UBE2U: variants seen among roughly 807,000 people sequenced by gnomAD.
UBE2U encodes ubiquitin conjugating enzyme E2 U, also known as ubiquitin-conjugating enzyme E2 U.
Under a neutral mutation model 41.2 loss-of-function variants are expected in UBE2U, and 39 were observed. The observed-to-expected ratio is 0.95, with a 90% confidence interval of 0.73 to 1.24. The LOEUF is 1.24. Ranked by LOEUF, UBE2U falls within the 50% of genes most tolerant of loss-of-function variation. UBE2U has a pLI of 0.00. For synonymous variants in UBE2U, 107 were observed against 117.8 expected, an observed-to-expected ratio of 0.91 and a Z score of 0.60; for missense variants, 336 against 363.1, an observed-to-expected ratio of 0.93 and a Z score of 0.61.
intron 4 of UBE2U, among the ~76,000 whole-genome samples, chr1:64,214,014 G>A (rs112030956): frequency 5.9e-5 from 9 of 152,108 alleles, no homozygotes; most frequent in African/African-American, 1.4e-4. Context: ...GATATATGCC[G>A]TCTGTTGTTG....
At chr1:64,210,900 C>T (rs1651626450) in intron 4 of UBE2U, 61 bp downstream of exon 4, 3 of 1,218,754 alleles carry the variant, frequency 2.5e-6, no homozygotes, top group African/African-American at 1.6e-5. Flanking sequence ...ATTATTCAAA[C>T]TACAAGGATT....
intron 8 of UBE2U, among the ~76,000 whole-genome samples, chr1:64,252,029 T>C (rs547129052): frequency 6.6e-6 from 1 of 152,298 alleles, no homozygotes; most frequent in Non-Finnish European, 1.5e-5. Context: ...TGGTCACCAT[T>C]TCTGCAGTTC....
chr1:64,264,912 C>T (rs566558976), intron 9 of UBE2U, among the ~76,000 whole-genome samples: 399 of 151,956 alleles, frequency 2.6e-3, no homozygotes, highest in African/African-American at 9.2e-3. Flanking sequence ...AGCACGCCAC[C>T]GCACTCCAGC....
At chr1:64,258,650 C>G (rs1051470682) in intron 8 of UBE2U, among the ~76,000 whole-genome samples, 3 of 152,206 alleles carry the variant, frequency 2.0e-5, no homozygotes, top group South Asian at 4.1e-4. Flanking sequence ...AGGACATGAA[C>G]TCATCCTTTT....
intron 1 of UBE2U, among the ~76,000 whole-genome samples, chr1:64,204,788 A>G (rs1651188399): frequency 6.6e-6 from 1 of 152,220 alleles, no homozygotes; most frequent in Admixed American, 6.5e-5. Flanking sequence ...TGAAAGGTAT[A>G]GAGTGCTTCC....
chr1:64,243,861 A>C (rs1644875846), intron 8 of UBE2U, among the ~76,000 whole-genome samples: 1 of 152,078 alleles, frequency 6.6e-6, no homozygotes, highest in African/African-American at 2.4e-5. Flanking sequence ...GCGCAGGGGC[A>C]CTGGAGCCAG....
Position 64,210,792 on chromosome 1 carries a change from A to G in UBE2U, c.292A>G (p.Lys98Glu). 4 of 1,608,184 alleles carry G rather than the reference A, an allele frequency of 2.5e-6. No individual in the cohort carries two copies. The highest frequency in any genetic ancestry group is 3.4e-6 in the Non-Finnish European group (4 of 1,176,366). Residue 98 changes from lysine (K) to glutamate (E), a missense_variant, in exon 4 of 10, where the codon AAG becomes GAG. Lys to Glu is a moderately conservative substitution (Grantham distance 56, BLOSUM62 1). Transcript: ENST00000371077. ...PCIDFLDNPE[K>E]WNTNYTLSSI... ...TATAGACTTTTTGGACAACCCTGAG[A>G]AGTGGAATACAAACTATACATTGAG...
Position 64,267,246 on chromosome 1 carries a change from G to A in UBE2U, c.*38G>A, listed in dbSNP as rs919144555. 9 of 1,437,554 alleles carry A rather than the reference G, an allele frequency of 6.3e-6. No homozygotes were observed. Among genetic ancestry groups the A allele is most frequent in the Admixed American group, 3.1e-5 (1 of 32,456 alleles). The allele number at this position is 1,437,554 out of a possible 1,614,324, so 89.0% of individuals were successfully genotyped here. A position where few individuals can be genotyped will look rare whatever the true frequency, so the allele number is the denominator to read the frequency against. On this transcript the variant is annotated 3_prime_UTR_variant, in exon 10 of 10. Coordinates refer to ENST00000371077, the MANE Select transcript of UBE2U (RefSeq NM_001366232.2). ...CAGATTCAAAAAATAAACAGCCTCC[G>A]CCATAGCCCAGCGTTGTGGAGCAAT...
At chr1:64,249,377 C>CAAAAAAAAAA (rs71584441) in intron 8 of UBE2U, among the ~76,000 whole-genome samples, 1 of 67,352 alleles carries the variant, frequency 1.5e-5, no homozygotes, top group African/African-American at 5.8e-5. Flanking sequence ...GACTCTGTCT[C>CAAAAAAAAAA]AAAAAAAAAA....
chr1:64,210,313 A>G (rs75927303), intron 3 of UBE2U, among the ~76,000 whole-genome samples: 333 of 152,366 alleles, frequency 2.2e-3, no homozygotes, highest in African/African-American at 7.6e-3. Flanking sequence ...TAACAGGACA[A>G]CGCTGGAGGG....
chr1:64,254,505 CA>C (rs1645061467), intron 8 of UBE2U, among the ~76,000 whole-genome samples: 1 of 152,124 alleles, frequency 6.6e-6, no homozygotes, highest in Admixed American at 6.6e-5. Flanking sequence ...ATTGCATAAT[CA>C]GAAGTAAAAC....
intron 8 of UBE2U, among the ~76,000 whole-genome samples, chr1:64,258,323 GT>G: frequency 6.6e-6 from 1 of 151,940 alleles, no homozygotes; most frequent in Non-Finnish European, 1.5e-5. Flanking sequence ...TGACAAAAAC[GT>G]TTCTTTTTTT....
chr1:64,239,156 GAAA>G (rs1557730947), intron 7 of UBE2U, among the ~76,000 whole-genome samples: 81 of 28,344 alleles, frequency 2.9e-3, no homozygotes, highest in Non-Finnish European at 3.5e-3. Flanking sequence ...AGAAGAAGAA[GAAA>G]GAAGAAGAAG....
intron 7 of UBE2U, among the ~76,000 whole-genome samples, chr1:64,239,121 A>G (rs1263946973): frequency 1.4e-3 from 78 of 53,900 alleles, no homozygotes; most frequent in African/African-American, 5.3e-3. Flanking sequence ...GAAGAAGAAG[A>G]AGAAGAAGAA....
chr1:64,220,120 G>A (rs1652336003), intron 5 of UBE2U, among the ~76,000 whole-genome samples: 1 of 152,082 alleles, frequency 6.6e-6, no homozygotes, highest in African/African-American at 2.4e-5. Context: ...AAAAAGACTG[G>A]AAGTTCTGAA....
chr1:64,259,609 A>G (rs1645150147), intron 8 of UBE2U, among the ~76,000 whole-genome samples: 2 of 151,798 alleles, frequency 1.3e-5, no homozygotes. Flanking sequence ...TTTTTGACAA[A>G]AACATTTCTA....
chr1:64,249,805 A>T (rs1411596574), intron 8 of UBE2U, among the ~76,000 whole-genome samples: 1 of 152,090 alleles, frequency 6.6e-6, no homozygotes, highest in Admixed American at 6.5e-5. Flanking sequence ...TAGAAGATAC[A>T]TATAAATGGT....
chr1:64,239,353 T>C (rs942343423), intron 7 of UBE2U, among the ~76,000 whole-genome samples: 3 of 152,048 alleles, frequency 2.0e-5, no homozygotes, highest in Non-Finnish European at 4.4e-5. Flanking sequence ...TACCAGTGCC[T>C]TAAACATAGT....
At chr1:64,210,893 A>C (rs1651626068) in intron 4 of UBE2U, 54 bp downstream of exon 4, 1 of 1,286,980 alleles carries the variant, frequency 7.8e-7, no homozygotes, top group African/African-American at 1.5e-5. Context: ...TACCCTAATT[A>C]TTCAAACTAC....
Sources: gnomAD v4.1 joint callset for allele counts (sites outside exome capture counted in the v4.1 genomes callset) on GRCh38, gnomAD v4.1.1 for gene constraint, MANE v1.5 for transcripts, NCBI Gene and HGNC (gene_info 2026-07-23, HGNC 2026-07-21) for gene names.